Variants in OLFM3 observed in about 807,000 individuals in gnomAD.
The protein encoded by OLFM3 is noelin-3.
Under a neutral mutation model 48.6 loss-of-function variants are expected in OLFM3, and 20 were observed. That is an observed-to-expected ratio of 0.41 (90% CI 0.29 to 0.60). The LOEUF (loss-of-function observed/expected upper bound fraction) is 0.60. OLFM3 is among the 20% of genes least tolerant of loss of function. The pLI is 0.28. For synonymous variants in OLFM3, 222 were observed against 198.1 expected (o/e 1.12, Z -1.01); for missense variants, 437 against 544.3 (o/e 0.80, Z 1.96).
At chr1:101,951,648 C>T (rs1340831365) in intron 1 of OLFM3, among the ~76,000 whole-genome samples, 1 of 152,116 alleles carries the variant, frequency 6.6e-6, no homozygotes, top group East Asian at 1.9e-4. Flanking sequence ...GAAAGGTCAG[C>T]CAGATTCAAG....
intron 1 of OLFM3, among the ~76,000 whole-genome samples, chr1:101,982,176 G>A (rs899172078): frequency 2.6e-5 from 4 of 152,094 alleles, no homozygotes; most frequent in Non-Finnish European, 1.5e-5. Flanking sequence ...TTAAATAATT[G>A]ATTAATATGC....
intron 1 of OLFM3, among the ~76,000 whole-genome samples, chr1:101,852,292 C>T (rs1656252066): frequency 6.6e-6 from 1 of 152,022 alleles, no homozygotes; most frequent in African/African-American, 2.4e-5. Flanking sequence ...TACACTTCTC[C>T]ACTCTGCTGA....
At chr1:101,826,824 T>C (rs1412223811) in intron 3 of OLFM3, among the ~76,000 whole-genome samples, 1 of 152,226 alleles carries the variant, frequency 6.6e-6, no homozygotes, top group East Asian at 1.9e-4. Context: ...AAAATATTTC[T>C]GTGGTTATCA....
intron 1 of OLFM3, among the ~76,000 whole-genome samples, chr1:101,941,863 A>G (rs1659805885): frequency 1.3e-5 from 2 of 152,214 alleles, no homozygotes; most frequent in Non-Finnish European, 2.9e-5. Context: ...GTTATCAGAT[A>G]GAAGACCATG....
chr1:101,944,933 C>G (rs1448831617), intron 1 of OLFM3, among the ~76,000 whole-genome samples: 3 of 151,120 alleles, frequency 2.0e-5, no homozygotes, highest in African/African-American at 7.3e-5. Context: ...TTACCAGATG[C>G]CAGAGAAGAT....
chr1:101,889,757 A>G (rs1263842931), intron 1 of OLFM3, among the ~76,000 whole-genome samples: 1 of 152,128 alleles, frequency 6.6e-6, no homozygotes, highest in Admixed American at 6.6e-5. Context: ...ACTTAGCAGT[A>G]TTTGACTAAG....
chr1:101,851,224 C>G (rs1656210108), intron 1 of OLFM3, among the ~76,000 whole-genome samples: 1 of 152,042 alleles, frequency 6.6e-6, no homozygotes. Context: ...GATAGTCCTC[C>G]AGATTCTTCC....
chr1:101,816,729 A>G (rs1353480674), intron 4 of OLFM3, among the ~76,000 whole-genome samples: 1 of 152,176 alleles, frequency 6.6e-6, no homozygotes, highest in South Asian at 2.1e-4. Flanking sequence ...AACATTGAAT[A>G]GATAGTGGAT....
chr1:101,943,375 C>T (rs1447814510), intron 1 of OLFM3, among the ~76,000 whole-genome samples: 1 of 152,206 alleles, frequency 6.6e-6, no homozygotes, highest in African/African-American at 2.4e-5. Context: ...GCCAGCCCCA[C>T]AATTTTGTAA....
chr1:101,818,559 A>G (rs936801428), intron 4 of OLFM3, among the ~76,000 whole-genome samples: 4 of 152,126 alleles, frequency 2.6e-5, no homozygotes, highest in African/African-American at 9.7e-5. Flanking sequence ...TTTCTGAGTC[A>G]AATCTCCCAC....
chr1:101,945,904 T>A (rs930249488), intron 1 of OLFM3, among the ~76,000 whole-genome samples: 2 of 152,200 alleles, frequency 1.3e-5, no homozygotes, highest in Admixed American at 6.5e-5. Flanking sequence ...ATTGTTATTA[T>A]AATGATTATA....
chr1:101,963,472 G>A (rs1302961052), intron 1 of OLFM3, among the ~76,000 whole-genome samples: 1 of 151,874 alleles, frequency 6.6e-6, no homozygotes, highest in East Asian at 1.9e-4. Context: ...ACTAAGATTT[G>A]TATCAGAAGG....
intron 4 of OLFM3, among the ~76,000 whole-genome samples, chr1:101,823,257 A>G (rs1007478352): frequency 6.6e-6 from 1 of 152,128 alleles, no homozygotes; most frequent in African/African-American, 2.4e-5. Context: ...GAGAAGTCCA[A>G]TCATTAGTGA....
intron 1 of OLFM3, among the ~76,000 whole-genome samples, chr1:101,973,839 T>C (rs1424704123): frequency 2.0e-5 from 3 of 152,218 alleles, no homozygotes; most frequent in South Asian, 2.1e-4. Flanking sequence ...GTGGAATTTT[T>C]CATTTTTTTC....
chr1:101,890,116 T>TTAATGATCTTGGAACA (rs1461270165), intron 1 of OLFM3, among the ~76,000 whole-genome samples: 4 of 152,050 alleles, frequency 2.6e-5, no homozygotes, highest in South Asian at 2.1e-4. Context: ...ATAATAGCTT[T>TTAATGATCTTGGAACA]TAATGATCTT....
chr1:101,955,523 A>G (rs1470190449), intron 1 of OLFM3, among the ~76,000 whole-genome samples: 3 of 151,714 alleles, frequency 2.0e-5, no homozygotes, highest in African/African-American at 2.4e-5. Flanking sequence ...TTATACTGCT[A>G]ATGCCCATCC....
chr1:101,826,955 C>G (rs1051372088), intron 3 of OLFM3, among the ~76,000 whole-genome samples: 3 of 152,148 alleles, frequency 2.0e-5, no homozygotes, highest in Non-Finnish European at 4.4e-5. Flanking sequence ...CAATTCAAAA[C>G]TAGATATTTA....
intron 1 of OLFM3, among the ~76,000 whole-genome samples, chr1:101,896,339 T>C (rs1658199235): frequency 6.6e-6 from 1 of 152,140 alleles, no homozygotes; most frequent in Non-Finnish European, 1.5e-5. Flanking sequence ...TCAGTTATTA[T>C]GCACATTTGC....
At chr1:101,942,379 A>C (rs896270096) in intron 1 of OLFM3, among the ~76,000 whole-genome samples, 4 of 152,180 alleles carry the variant, frequency 2.6e-5, no homozygotes, top group African/African-American at 9.7e-5. Context: ...AAACTCAAGA[A>C]ATTTAATTTT....
Sources: allele counts gnomAD v4.1 joint callset (sites outside exome capture counted in the v4.1 genomes callset), GRCh38; gene constraint gnomAD v4.1.1; transcripts MANE v1.5; gene names NCBI Gene and HGNC (gene_info 2026-07-23, HGNC 2026-07-21).